TAFA4: variants seen among roughly 807,000 people sequenced by gnomAD.
The protein encoded by TAFA4 is chemokine-like protein TAFA-4.
Under a neutral mutation model 21.1 loss-of-function variants are expected in TAFA4, and 20 were observed. The observed-to-expected ratio is 0.95, with a 90% CI of 0.67 to 1.38. The LOEUF is 1.38. TAFA4 is among the 40% of genes most tolerant of loss of function. The pLI, the probability that TAFA4 is intolerant of heterozygous loss-of-function variation, is 0.00. For missense variants in TAFA4, 211 were observed against 180.9 expected, an observed-to-expected ratio of 1.17 and a Z score of -0.95; for synonymous variants, 71 against 67.4, an observed-to-expected ratio of 1.05 and a Z score of -0.26.
At chr3:68,789,223 T>C (rs7612656) in intron 3 of TAFA4, among the ~76,000 whole-genome samples, 30,586 of 139,908 alleles carry the variant, frequency 0.22, 3,997 homozygotes, top group East Asian at 0.64. Flanking sequence ...AGAGTGAGAC[T>C]CCGTCTCAAA....
intron 4 of TAFA4, among the ~76,000 whole-genome samples, chr3:68,751,694 A>G (rs1702558324): frequency 6.6e-6 from 1 of 152,188 alleles, no homozygotes; most frequent in South Asian, 2.1e-4. Flanking sequence ...TTGAATTAAC[A>G]TGAAGTTCTT....
At chr3:68,876,992 C>T (rs966382577) in intron 3 of TAFA4, among the ~76,000 whole-genome samples, 1 of 152,070 alleles carries the variant, frequency 6.6e-6, no homozygotes, top group Non-Finnish European at 1.5e-5. Context: ...GGTTTCATAA[C>T]TTGCCCAAGA....
At chr3:68,821,194 A>C (rs972384898) in intron 3 of TAFA4, among the ~76,000 whole-genome samples, 2 of 152,210 alleles carry the variant, frequency 1.3e-5, no homozygotes, top group Non-Finnish European at 2.9e-5. Context: ...ACCACTGCCA[A>C]AATATACCAC....
chr3:68,745,743 A>C (rs1281484101), intron 4 of TAFA4, among the ~76,000 whole-genome samples: 1 of 152,244 alleles, frequency 6.6e-6, no homozygotes, highest in Non-Finnish European at 1.5e-5. Flanking sequence ...TTATGTATTC[A>C]TACAGTTACT....
At chr3:68,828,954 C>G (rs973199026) in intron 3 of TAFA4, among the ~76,000 whole-genome samples, 5 of 152,126 alleles carry the variant, frequency 3.3e-5, no homozygotes, top group Non-Finnish European at 5.9e-5. Context: ...ATGTCCTGTG[C>G]TGGTTTTCAA....
Position 68,918,447 on chromosome 3 carries a change from C to T in TAFA4, c.-123+13793G>A, listed in dbSNP as rs138868793. Among the ~76,000 whole-genome samples the T allele has an allele frequency of 2.0e-3, 310 of 152,302 alleles. 2 individuals are homozygous for T. The highest frequency in any genetic ancestry group is 3.4e-3 in the Middle Eastern group (1 of 294). ...TCACTCAATCTACTTCTAAAAATGT[C>T]TTTCAAGAAACGAAAAAGAAGCTCT... On this transcript the variant is annotated intron_variant, in intron 1 of 5. Coordinates refer to ENST00000295569, the MANE Select transcript of TAFA4 (RefSeq NM_182522.5).
At chr3:68,865,358 T>G (rs6766893) in intron 3 of TAFA4, among the ~76,000 whole-genome samples, 1 of 151,684 alleles carries the variant, frequency 6.6e-6, no homozygotes, top group East Asian at 1.9e-4. Context: ...TGAATTGTAG[T>G]TCCCATAATC....
intron 3 of TAFA4, among the ~76,000 whole-genome samples, chr3:68,879,085 A>G (rs2089586301): frequency 6.6e-6 from 1 of 152,136 alleles, no homozygotes; most frequent in African/African-American, 2.4e-5. Flanking sequence ...ACTTCTAACT[A>G]GGGTTTCCTA....
chr3:68,857,489 C>G (rs1705096717), intron 3 of TAFA4, among the ~76,000 whole-genome samples: 1 of 152,080 alleles, frequency 6.6e-6, no homozygotes, highest in Non-Finnish European at 1.5e-5. Context: ...AGAAAATGCT[C>G]TCAATTGCCA....
intron 1 of TAFA4, among the ~76,000 whole-genome samples, chr3:68,924,273 G>A (rs529847837): frequency 1.3e-5 from 2 of 152,302 alleles, no homozygotes; most frequent in Admixed American, 1.3e-4. Flanking sequence ...TAAAGTGTGG[G>A]CTATACATGC....
At chr3:68,882,532 C>A (rs1405699795) in intron 2 of TAFA4, among the ~76,000 whole-genome samples, 2 of 152,240 alleles carry the variant, frequency 1.3e-5, no homozygotes, top group East Asian at 3.9e-4. Flanking sequence ...CCCAACCAGC[C>A]CAACTCATTT....
At chr3:68,884,135 A>G (rs1012147651) in intron 2 of TAFA4, among the ~76,000 whole-genome samples, 1 of 150,206 alleles carries the variant, frequency 6.7e-6, no homozygotes, top group Non-Finnish European at 1.5e-5. Context: ...TTTATTTTAA[A>G]TATATGAATT....
chr3:68,874,811 G>T (rs1384876592), intron 3 of TAFA4, among the ~76,000 whole-genome samples: 1 of 151,248 alleles, frequency 6.6e-6, no homozygotes, highest in South Asian at 2.1e-4. Context: ...CACACACAAA[G>T]GATGTAAAGC....
intron 3 of TAFA4, among the ~76,000 whole-genome samples, chr3:68,862,067 G>T (rs533319999): frequency 5.3e-5 from 8 of 151,688 alleles, no homozygotes; most frequent in Admixed American, 4.6e-4. Context: ...TGAACTTGAG[G>T]TTATGACAGG....
At chr3:68,912,549 G>A (rs538501546) in intron 1 of TAFA4, among the ~76,000 whole-genome samples, 27 of 152,224 alleles carry the variant, frequency 1.8e-4, no homozygotes, top group Non-Finnish European at 2.9e-4. Context: ...TCGCAGTGTT[G>A]GGGACCAGAT....
At position 68,783,745 on chromosome 3, in the gene TAFA4, G is replaced by GAAAGAAAA. The variant is rs1355228496; in HGVS notation, c.131-30728_131-30727insTTTTCTTT. Among the ~76,000 whole-genome samples the GAAAGAAAA allele has an allele frequency of 2.9e-3, 277 of 95,518 alleles. 1 individual carries two copies. Among genetic ancestry groups the GAAAGAAAA allele is most frequent in the African/African-American group, 7.9e-3 (249 of 31,504 alleles). The allele number at this position is 95,518 out of a possible 152,430, so 62.7% of individuals were successfully genotyped here. A position where few individuals can be genotyped will look rare whatever the true frequency, so the allele number is the denominator to read the frequency against. ...AGAAAGAAAGAAAGAAAGAAAGAAA[G>GAAAGAAAA]TAAGAAAGAAAGAAACAAAAACAAA... is the stretch of plus-strand genomic sequence containing the variant. On this transcript the variant is annotated intron_variant, in intron 3 of 5. Transcript: ENST00000295569.
chr3:68,756,512 C>G (rs1460656707), intron 3 of TAFA4, among the ~76,000 whole-genome samples: 1 of 152,182 alleles, frequency 6.6e-6, no homozygotes, highest in African/African-American at 2.4e-5. Flanking sequence ...ATGATTCAGA[C>G]TTTTGATCCA....
chr3:68,737,323 C>T (rs1702261882), intron 5 of TAFA4, among the ~76,000 whole-genome samples: 1 of 152,082 alleles, frequency 6.6e-6, no homozygotes, highest in Admixed American at 6.6e-5. Flanking sequence ...AGCAAGCACG[C>T]TGAGTCTATA....
At chr3:68,778,803 C>A (rs1345651692) in intron 3 of TAFA4, among the ~76,000 whole-genome samples, 1 of 152,102 alleles carries the variant, frequency 6.6e-6, no homozygotes, top group African/African-American at 2.4e-5. Context: ...TTAGCAGCAG[C>A]ATGAAAACAG....
Sources: gnomAD v4.1 joint callset for allele counts (sites outside exome capture counted in the v4.1 genomes callset) on GRCh38, gnomAD v4.1.1 for gene constraint, MANE v1.5 for transcripts, NCBI Gene and HGNC (gene_info 2026-07-23, HGNC 2026-07-21) for gene names.